The following BZW2 variants were observed in gnomAD, a reference collection of about 807,000 sequenced individuals.
The protein encoded by BZW2 is basic leucine zipper and W2 domains 2, also known as eIF5-mimic protein 1.
Under a neutral mutation model 53.2 loss-of-function variants are expected in BZW2, and 23 were observed. That is an observed-to-expected ratio of 0.43 (90% CI 0.31 to 0.61). The LOEUF (loss-of-function observed/expected upper bound fraction) is 0.61, where lower values mean the gene tolerates loss of function less well. Ranked by LOEUF, BZW2 falls within the 20% of genes least tolerant of loss-of-function variation. The probability of loss-of-function intolerance (pLI) is 0.09; values close to 1 mark genes in which losing one functional copy is unlikely to be tolerated. For missense variants in BZW2, 409 were observed against 503.1 expected (o/e 0.81, Z 1.79); for synonymous variants, 227 against 186.4 (o/e 1.22, Z -1.77).
intron 2 of BZW2, among the ~76,000 whole-genome samples, chr7:16,666,529 A>G (rs868700503): frequency 2.0e-5 from 3 of 152,058 alleles, no homozygotes; most frequent in Middle Eastern, 3.4e-3. Context: ...CAGCCTCCCA[A>G]GTAGCTGGGA....
At chr7:16,693,106 G>T (rs955600536) in intron 7 of BZW2, among the ~76,000 whole-genome samples, 4 of 152,116 alleles carry the variant, frequency 2.6e-5, no homozygotes, top group African/African-American at 9.7e-5. Context: ...TCTGCAGAAT[G>T]GTGTGTAATG....
Position 16,652,669 on chromosome 7 carries a change from C to T in BZW2, c.-8+6381C>T, listed in dbSNP as rs372711668. 4.1e-4 allele frequency among the ~76,000 whole-genome samples: 63 copies of T among 152,164 alleles called. 1 individual carries two copies. The South Asian group carries it at 9.6e-3, about 23-fold the overall frequency. Reference sequence around the variant, plus strand: ...CCTACCGAGTAGCTGGGATTACAGGCGCCTGCCACCATGCCTGGCTAATTT... The same window carrying T: ...CCTACCGAGTAGCTGGGATTACAGGTGCCTGCCACCATGCCTGGCTAATTT... On this transcript the variant is annotated intron_variant, in intron 1 of 11. Coordinates refer to ENST00000258761, the MANE Select transcript of BZW2 (RefSeq NM_014038.3).
intron 2 of BZW2, 115 bp from the exon 3 acceptor site, chr7:16,674,297 A>T: frequency 1.4e-6 from 1 of 705,580 alleles, no homozygotes. Context: ...TTCTTTGGCG[A>T]TGCTCTGTGG....
intron 5 of BZW2, among the ~76,000 whole-genome samples, chr7:16,685,424 T>TC (rs1783083978): frequency 6.6e-6 from 1 of 151,936 alleles, no homozygotes; most frequent in Non-Finnish European, 1.5e-5. Context: ...TTTTTTTTTT[T>TC]GTTTGTGTGG....
At chr7:16,692,563 G>A (rs1783343211) in intron 7 of BZW2, among the ~76,000 whole-genome samples, 1 of 152,162 alleles carries the variant, frequency 6.6e-6, no homozygotes, top group South Asian at 2.1e-4. Flanking sequence ...AGGAGTTCAA[G>A]ACCAGCGTGA....
intron 1 of BZW2, among the ~76,000 whole-genome samples, chr7:16,657,322 T>A (rs1469766925): frequency 6.6e-6 from 1 of 152,234 alleles, no homozygotes; most frequent in Non-Finnish European, 1.5e-5. Context: ...GATCACATCA[T>A]GTATATAGAA....
intron 3 of BZW2, among the ~76,000 whole-genome samples, chr7:16,675,954 G>T (rs959223507): frequency 1.3e-5 from 2 of 152,262 alleles, no homozygotes; most frequent in South Asian, 2.1e-4. Context: ...GGTGGCGGCT[G>T]CCTGTAATCC....
chr7:16,672,226 G>T (rs1782623324), intron 2 of BZW2, among the ~76,000 whole-genome samples: 1 of 152,128 alleles, frequency 6.6e-6, no homozygotes, highest in African/African-American at 2.4e-5. Context: ...ATTTCTGGGA[G>T]ATTTATTGAG....
intron 3 of BZW2, among the ~76,000 whole-genome samples, chr7:16,680,562 TG>T: frequency 6.6e-6 from 1 of 152,282 alleles, no homozygotes; most frequent in East Asian, 1.9e-4. Flanking sequence ...CCAAGCACTT[TG>T]GGATGCTGAG....
chr7:16,665,582 T>C, intron 2 of BZW2, 81 bp downstream of exon 2: 1 of 1,561,590 alleles, frequency 6.4e-7, no homozygotes, highest in Non-Finnish European at 8.7e-7. Context: ...ATGATCCCTG[T>C]TTCCCCCAGC....
chr7:16,656,299 G>C (rs1782121025), intron 1 of BZW2, among the ~76,000 whole-genome samples: 1 of 152,058 alleles, frequency 6.6e-6, no homozygotes, highest in Admixed American at 6.6e-5. Context: ...TTACTTTGGA[G>C]AATGTCCCTA....
At chr7:16,664,882 A>G (rs1436345701) in intron 1 of BZW2, among the ~76,000 whole-genome samples, 1 of 152,210 alleles carries the variant, frequency 6.6e-6, no homozygotes, top group Admixed American at 6.5e-5. Flanking sequence ...AATTTTCCTC[A>G]AAGTATTTCA....
intron 6 of BZW2, chr7:16,687,096 G>A (rs748711072): frequency 8.6e-5 from 13 of 151,956 alleles, no homozygotes; most frequent in Non-Finnish European, 1.6e-4. Context: ...TGCCTTTCTA[G>A]TTTTTTTAAA....
chr7:16,662,401 A>ACC, intron 1 of BZW2: 2 of 152,148 alleles, frequency 1.3e-5, no homozygotes, highest in Non-Finnish European at 2.9e-5. Flanking sequence ...TTATAAAGAA[A>ACC]CAAACTTTTA....
chr7:16,689,023 C>T (rs929497474), intron 6 of BZW2, among the ~76,000 whole-genome samples: 3 of 152,106 alleles, frequency 2.0e-5, no homozygotes, highest in African/African-American at 7.2e-5. Context: ...GTCAAGCGTT[C>T]AGGACTAGCC....
chr7:16,687,851 T>C (rs1368171250), intron 6 of BZW2, among the ~76,000 whole-genome samples: 5 of 152,208 alleles, frequency 3.3e-5, no homozygotes, highest in Non-Finnish European at 7.3e-5. Context: ...ATCTCAGTTT[T>C]AGGCTCCTAG....
At chr7:16,684,583 T>A (rs1265430531) in intron 5 of BZW2, among the ~76,000 whole-genome samples, 3 of 152,286 alleles carry the variant, frequency 2.0e-5, no homozygotes, top group African/African-American at 7.2e-5. Flanking sequence ...TAGAGGCTAA[T>A]TTTTATTATT....
chr7:16,705,357 C>T (rs914503956), intron 11 of BZW2, among the ~76,000 whole-genome samples: 8 of 148,244 alleles, frequency 5.4e-5, no homozygotes, highest in Admixed American at 1.4e-4. Context: ...GACTCCATCT[C>T]GATAAATAAA....
chr7:16,698,374 G>T (rs138800562), intron 10 of BZW2, 188 bp downstream of exon 10: 1 of 700,566 alleles, frequency 1.4e-6, no homozygotes. Context: ...CCATATATGC[G>T]TTGCCTTGGA....
Sources: gnomAD v4.1 joint callset for allele counts (sites outside exome capture counted in the v4.1 genomes callset) on GRCh38, gnomAD v4.1.1 for gene constraint, MANE v1.5 for transcripts, NCBI Gene and HGNC (gene_info 2026-07-23, HGNC 2026-07-21) for gene names.